RNF17: variants seen among roughly 807,000 people sequenced by gnomAD.
RNF17 encodes the protein ring finger protein 17.
RNF17 carries 31 observed loss-of-function variants against 200.5 expected under a neutral mutation model. The ratio of observed to expected loss-of-function variants is 0.15; its 90% CI spans 0.12 to 0.21. The LOEUF (loss-of-function observed/expected upper bound fraction) is 0.21, where lower values mean the gene tolerates loss of function less well. Among genes scored for constraint, RNF17 ranks in the 10% least tolerant of loss-of-function variants. RNF17 has a pLI of 1.00. For synonymous variants in RNF17, 606 were observed against 637.8 expected (o/e 0.95, Z 0.75); for missense variants, 1,628 against 1,905.1 (o/e 0.85, Z 2.71).
intron 24 of RNF17, among the ~76,000 whole-genome samples, chr13:24,852,330 G>A (rs575061897): frequency 5.9e-5 from 9 of 152,104 alleles, no homozygotes; most frequent in Non-Finnish European, 1.0e-4. Flanking sequence ...AGTAGAGACG[G>A]GGTTTCACCG....
In RNF17 at chr13:24,861,301, A is replaced by G. The variant is rs1893079271; in HGVS notation, c.3808A>G (p.Ile1270Val). 6.3e-7 allele frequency: 1 copy of G among 1,595,608 alleles called. No individual in the cohort carries two copies. Residue 1270 changes from isoleucine (I) to valine (V), a missense_variant, in exon 27 of 36, where the codon ATT becomes GTT. This residue lies in a region of RNF17 where 609 missense variants were observed against 681.9 expected (regional missense o/e 0.89). Coordinates refer to ENST00000255324, the MANE Select transcript of RNF17 (RefSeq NM_031277.3). Reference sequence around the variant, plus strand: ...TTTAGATCATGGATTCACTGAAAAGATTCCGCAGTGCCATCTTTACCCTAT... The same window carrying G: ...TTTAGATCATGGATTCACTGAAAAGGTTCCGCAGTGCCATCTTTACCCTAT... ...QYLDHGFTEK[I>V]PQCHLYPILL... is the part of the protein sequence containing the mutation.
At chr13:24,783,324 G>C (rs1214220050) in intron 6 of RNF17, among the ~76,000 whole-genome samples, 1 of 152,174 alleles carries the variant, frequency 6.6e-6, no homozygotes, top group East Asian at 1.9e-4. Context: ...AAATCAGAAT[G>C]TGTGAGTCCT....
intron 18 of RNF17, among the ~76,000 whole-genome samples, chr13:24,838,326 C>T (rs1034467429): frequency 7.2e-5 from 11 of 152,156 alleles, no homozygotes; most frequent in African/African-American, 2.7e-4. Flanking sequence ...CTCCCTAATT[C>T]ATTCTATGAA....
chr13:24,858,575 G>GAGATATATAT (rs764245329), intron 25 of RNF17, among the ~76,000 whole-genome samples: 1 of 143,190 alleles, frequency 7.0e-6, no homozygotes, highest in Non-Finnish European at 1.5e-5. Context: ...ATCAGTTATG[G>GAGATATATAT]ATATATATAT....
intron 26 of RNF17, among the ~76,000 whole-genome samples, chr13:24,860,052 A>G (rs1226857076): frequency 6.6e-6 from 1 of 151,904 alleles, no homozygotes; most frequent in Non-Finnish European, 1.5e-5. Flanking sequence ...CAAATTTTTA[A>G]TGGTTTTCAT....
chr13:24,825,523 ATGT>A (rs769898136), intron 15 of RNF17, 93 bp from the exon 16 acceptor site: 185 of 824,202 alleles, frequency 2.2e-4, no homozygotes, highest in Non-Finnish European at 3.2e-4. Flanking sequence ...TCAAGTTTTA[ATGT>A]TTCATAATTT....
chr13:24,875,123 T>G (rs1894716673), intron 33 of RNF17, among the ~76,000 whole-genome samples: 1 of 152,202 alleles, frequency 6.6e-6, no homozygotes, highest in African/African-American at 2.4e-5. Flanking sequence ...TCAAAATTTT[T>G]TCACCAAAAT....
intron 15 of RNF17, among the ~76,000 whole-genome samples, chr13:24,809,253 C>T (rs1012520370): frequency 2.0e-5 from 3 of 150,412 alleles, no homozygotes; most frequent in East Asian, 2.0e-4. Flanking sequence ...TGGTAGAATT[C>T]GGCTGTGAAT....
chr13:24,785,466 T>TA (rs766759992), intron 6 of RNF17, among the ~76,000 whole-genome samples: 7 of 152,248 alleles, frequency 4.6e-5, no homozygotes, highest in Non-Finnish European at 8.8e-5. Context: ...TATTAAGACT[T>TA]ACTAATAAAT....
chr13:24,765,982 C>T (rs1206478593), intron 1 of RNF17, among the ~76,000 whole-genome samples: 1 of 152,206 alleles, frequency 6.6e-6, no homozygotes, highest in Admixed American at 6.5e-5. Context: ...AGTCCCAGCA[C>T]TTTGGGAGGC....
At chr13:24,831,756 T>G in intron 17 of RNF17, 102 bp from the exon 18 acceptor site, 1 of 1,015,400 alleles carries the variant, frequency 9.8e-7, no homozygotes, top group Non-Finnish European at 1.5e-6. Context: ...TGTATGAAAT[T>G]CAAACATAAA....
downstream of RNF17, among the ~76,000 whole-genome samples, chr13:24,881,991 G>T (rs866820766): frequency 4.9e-4 from 15 of 30,348 alleles, no homozygotes; most frequent in South Asian, 1.3e-3. Context: ...TAGATATATA[G>T]ATACATCTAT....
chr13:24,876,963 G>C (rs1465769295), intron 33 of RNF17, 34 bp from the exon 34 acceptor site: 4 of 1,519,148 alleles, frequency 2.6e-6, no homozygotes, highest in Non-Finnish European at 3.6e-6. Flanking sequence ...TCAGCCGGAA[G>C]AGAATTTTAA....
intron 1 of RNF17, among the ~76,000 whole-genome samples, chr13:24,764,751 A>G (rs1879343337): frequency 1.3e-5 from 2 of 152,050 alleles, no homozygotes; most frequent in East Asian, 1.9e-4. Flanking sequence ...ACCATTGTGA[A>G]ATGGTTTTGG....
At chr13:24,836,615 A>G (rs1471603166) in intron 18 of RNF17, among the ~76,000 whole-genome samples, 1 of 152,214 alleles carries the variant, frequency 6.6e-6, no homozygotes, top group Non-Finnish European at 1.5e-5. Context: ...ACTAAGCATC[A>G]TATATGAAGG....
chr13:24,809,047 C>T (rs1886250847), intron 15 of RNF17, among the ~76,000 whole-genome samples: 1 of 151,944 alleles, frequency 6.6e-6, no homozygotes, highest in African/African-American at 2.4e-5. Context: ...TTCGGTTTGC[C>T]AGTATTTTAT....
At chr13:24,881,772 G>C (rs1953827511), downstream of RNF17, among the ~76,000 whole-genome samples, 1 of 145,228 alleles carries the variant, frequency 6.9e-6, no homozygotes, top group Non-Finnish European at 1.5e-5. Flanking sequence ...AGACCAGCCT[G>C]GCCAACATGG....
intron 22 of RNF17, among the ~76,000 whole-genome samples, chr13:24,847,765 C>T (rs1891420066): frequency 6.6e-6 from 1 of 152,160 alleles, no homozygotes; most frequent in South Asian, 2.1e-4. Flanking sequence ...TTACAGGCAC[C>T]TCTTCCTATT....
At chr13:24,871,573 A>G (rs1301198784) in intron 32 of RNF17, among the ~76,000 whole-genome samples, 2 of 150,420 alleles carry the variant, frequency 1.3e-5, no homozygotes, top group Non-Finnish European at 2.9e-5. Flanking sequence ...CCTGACCTCA[A>G]GTGAACCGCC....
Sources: allele counts gnomAD v4.1 joint callset (sites outside exome capture counted in the v4.1 genomes callset), GRCh38; gene constraint gnomAD v4.1.1; regional missense constraint gnomAD v4.1.1; transcripts MANE v1.5; gene names NCBI Gene and HGNC (gene_info 2026-07-23, HGNC 2026-07-21).